The following SLC7A13 variants were observed in gnomAD, a reference collection of about 807,000 sequenced individuals.
SLC7A13 encodes the protein solute carrier family 7 member 13.
A neutral mutation model predicts 32.0 loss-of-function variants in SLC7A13; 31 were observed. The observed-to-expected ratio is 0.97, with a 90% CI of 0.73 to 1.31. SLC7A13 has a LOEUF of 1.31. Among genes scored for constraint, SLC7A13 ranks in the 50% most tolerant of loss-of-function variants. The pLI is 0.00. For synonymous variants in SLC7A13, 232 were observed against 206.9 expected (o/e 1.12, Z -1.04); for missense variants, 633 against 546.9 (o/e 1.16, Z -1.57).
At chr8:86,223,198 TG>T (rs1436641527) in intron 1 of SLC7A13, 95 bp from the exon 2 acceptor site, 5 of 1,245,740 alleles carry the variant, frequency 4.0e-6, no homozygotes, top group Non-Finnish European at 4.3e-6. Flanking sequence ...TATAAATTAA[TG>T]GGGTACAAGC....
In SLC7A13 at chr8:86,217,674, C is replaced by G; in HGVS notation, c.975G>C (p.Leu325Phe). 1 of 1,613,344 alleles carries G rather than the reference C, an allele frequency of 6.2e-7. No individual in the cohort carries two copies. Among genetic ancestry groups the G allele is most frequent in the South Asian group, 1.1e-5 (1 of 91,040 alleles). The change falls in exon 3 of 4, where the codon TTG becomes TTC. Residue 325 changes from leucine (L) to phenylalanine (F), a missense_variant. Transcript: ENST00000297524. ...YLASQEGQLP[L>F]LFNTLNSHSS... Reference sequence around the variant, plus strand: ...AGTGACTATTAAGTGTATTAAATAGCAAAGGCAGCTGGCCCTCTTGGCTTG... The same window carrying G: ...AGTGACTATTAAGTGTATTAAATAGGAAAGGCAGCTGGCCCTCTTGGCTTG...
chr8:86,217,945 T>C (rs1820220876), intron 2 of SLC7A13, 114 bp from the exon 3 acceptor site: 50 of 1,161,728 alleles, frequency 4.3e-5, no homozygotes, highest in Non-Finnish European at 5.5e-5. Context: ...TAATAACATT[T>C]AGTTTGCTTA....
intron 3 of SLC7A13, among the ~76,000 whole-genome samples, chr8:86,217,032 G>A (rs1368337844): frequency 6.6e-6 from 1 of 152,158 alleles, no homozygotes; most frequent in Admixed American, 6.6e-5. Context: ...AATAAGTAAA[G>A]TTGAAAAGAT....
chr8:86,217,362 C>A, intron 3 of SLC7A13, 108 bp downstream of exon 3: 1 of 1,034,740 alleles, frequency 9.7e-7, no homozygotes, highest in Non-Finnish European at 1.3e-6. Flanking sequence ...TTCACAGTAA[C>A]TGAGTATTCA....
At chr8:86,224,206 GCTAT>G (rs574470140) in intron 1 of SLC7A13, among the ~76,000 whole-genome samples, 155 of 152,284 alleles carry the variant, frequency 1.0e-3, no homozygotes, top group Non-Finnish European at 1.6e-3. Flanking sequence ...AGTTTCTCTT[GCTAT>G]CTGTGTTTTA....
intron 1 of SLC7A13, 136 bp from the exon 2 acceptor site, chr8:86,223,239 G>T: frequency 1.2e-6 from 1 of 831,060 alleles, no homozygotes; most frequent in Non-Finnish European, 1.7e-6. Flanking sequence ...AGGTTGTGTG[G>T]TGGTCAAATC....
chr8:86,223,089 G>T lies in SLC7A13; in HGVS notation c.700C>A (p.Pro234Thr). The T allele has an allele frequency of 6.3e-7, 1 of 1,599,814 alleles. No homozygotes were observed. Among genetic ancestry groups the T allele is most frequent in the Non-Finnish European group, 8.5e-7 (1 of 1,173,406 alleles). Reference sequence around the variant, plus strand: ...ATGCATTTGGGAATTGTTGTTCTGGGCTTCTTCAGCTCCCCTATAACACAA... The same window carrying T: ...ATGCATTTGGGAATTGTTGTTCTGGTCTTCTTCAGCTCCCCTATAACACAA... ...FTLIAGELKK[P>T]RTTIPKCIFT... is the part of the protein sequence containing the mutation. The change falls in exon 2 of 4, where the codon CCC (proline) becomes ACC (threonine). Residue 234 changes from proline (P) to threonine (T), a missense_variant. Coordinates refer to ENST00000297524, the MANE Select transcript of SLC7A13 (RefSeq NM_138817.3).
Position 86,230,053 on chromosome 8 carries a change from T to G in SLC7A13, c.225A>C (p.Pro75=), listed in dbSNP as rs1820458064. The change falls in exon 1 of 4, where the codon CCA becomes CCC. Residue 75 remains proline (P), a synonymous_variant. Transcript: ENST00000297524. ...LCSAEISISF[P]CSGAQYYFLK... ...GAAAATAGTATTGAGCTCCACTGCA[T>G]GGGAAGCTTATACTTATCTCTGCAG... 1 of 1,614,030 alleles carries G rather than the reference T, an allele frequency of 6.2e-7. No homozygotes were observed. The highest frequency in any genetic ancestry group is 1.7e-5 in the Admixed American group (1 of 59,986).
At chr8:86,228,303 G>C (rs1210947763) in intron 1 of SLC7A13, among the ~76,000 whole-genome samples, 1 of 152,144 alleles carries the variant, frequency 6.6e-6, no homozygotes, top group Non-Finnish European at 1.5e-5. Flanking sequence ...GGTAGGGAAA[G>C]GAAGTGAGCC....
In SLC7A13 at chr8:86,229,850, C is replaced by T; in HGVS notation, c.428G>A (p.Trp143Ter). The change falls in exon 1 of 4, where the codon TGG becomes TAG. Residue 143 changes from tryptophan (W) to a stop codon, truncating the protein, a stop_gained. Coordinates refer to ENST00000297524, the MANE Select transcript of SLC7A13 (RefSeq NM_138817.3). LOFTEE classifies it high-confidence loss of function. ...ACGAGAAGTCAGAATTCCTACAATC[C>T]ACAACATGGCCAATGCCAGACATTT... ...PKKCLALAML[W>*]IVGILTSRGV... The T allele has an allele frequency of 6.2e-7, 1 of 1,614,126 alleles. No individual in the cohort carries two copies. The highest frequency in any genetic ancestry group is 1.1e-5 in the South Asian group (1 of 91,080).
rs16899714 is a variant in SLC7A13, at chr8:86,215,070, A to G, written c.1180-424T>C. Among the ~76,000 whole-genome samples, 831 of 152,222 alleles carry G rather than the reference A, an allele frequency of 5.5e-3. 11 individuals carry two copies. Among genetic ancestry groups the G allele is most frequent in the African/African-American group, 0.019 (782 of 41,494 alleles). ...TCCTCAGACTGTCTGTTACACAGGT[A>G]AATACTGACAGGTAAATGTTGTAAC... On this transcript the variant is annotated intron_variant, in intron 3 of 3. Transcript: ENST00000297524.
intron 1 of SLC7A13, among the ~76,000 whole-genome samples, 191 bp from the exon 2 acceptor site, chr8:86,223,294 A>G (rs1306366757): frequency 3.3e-5 from 5 of 152,120 alleles, no homozygotes; most frequent in Non-Finnish European, 7.4e-5. Flanking sequence ...CATTGTACCT[A>G]TTAAGTAATT....
rs147696557 is a variant in SLC7A13, at chr8:86,214,833, G to A, written c.1180-187C>T. 5.1e-3 allele frequency among the ~76,000 whole-genome samples: 777 copies of A among 152,276 alleles called. 2 individuals are homozygous for A. The highest frequency in any genetic ancestry group is 0.01 in the Middle Eastern group (3 of 294). ...TGAGTGAAAGGAGATGTTGAAGACT[G>A]TCATTGTCAGGTTGGAGGGAATGGG... On this transcript the variant is annotated intron_variant, in intron 3 of 3. Coordinates refer to ENST00000297524, the MANE Select transcript of SLC7A13 (RefSeq NM_138817.3).
intron 2 of SLC7A13, among the ~76,000 whole-genome samples, chr8:86,222,642 G>A (rs1193936705): frequency 1.3e-5 from 2 of 152,006 alleles, no homozygotes; most frequent in African/African-American, 2.4e-5. Flanking sequence ...CATTTTGAAA[G>A]TTTTAAAATC....
In SLC7A13 at chr8:86,214,363, A is replaced by C; in HGVS notation, c.*50T>G. 9.8e-7 allele frequency: 1 copy of C among 1,015,798 alleles called. No individual in the cohort carries two copies. Among genetic ancestry groups the C allele is most frequent in the East Asian group, 2.5e-5 (1 of 40,802 alleles). 62.9% of individuals were successfully genotyped at this position (1,015,798 alleles called of 1,614,324 possible). The stretch of plus-strand genomic sequence containing the variant: ...ATGTTTAACCTTGATTTGGAATCTG[A>C]TATATGTTTTTTAGAAGGCCAATTT... On this transcript the variant is annotated 3_prime_UTR_variant, in exon 4 of 4. Transcript: ENST00000297524.
rs781045470 is a variant in SLC7A13, at chr8:86,230,137, T to C, written c.141A>G (p.Gly47=). The change falls in exon 1 of 4, where the codon GGA becomes GGG. Residue 47 remains glycine, a synonymous_variant. Transcript: ENST00000297524. ...AGCCAGCCCAAACGCACAGGGAGAC[T>C]CCCACGTTCATGCAAGAGTATGCCA... ...GVLAYSCMNV[G]VSLCVWAGCA... is the part of the protein sequence containing the mutation. 6.2e-7 allele frequency: 1 copy of C among 1,614,100 alleles called. No homozygotes were observed. Among genetic ancestry groups the C allele is most frequent in the South Asian group, 1.1e-5 (1 of 91,078 alleles).
At chr8:86,220,728 G>A (rs1820279551) in intron 2 of SLC7A13, among the ~76,000 whole-genome samples, 1 of 151,920 alleles carries the variant, frequency 6.6e-6, no homozygotes. Context: ...CTATATTTGG[G>A]CCTAGTGGCT....
chr8:86,226,487 T>C (rs1820390451), intron 1 of SLC7A13, among the ~76,000 whole-genome samples: 1 of 152,194 alleles, frequency 6.6e-6, no homozygotes, highest in East Asian at 1.9e-4. Context: ...TTTAACCAGA[T>C]AGATTATTCC....
intron 1 of SLC7A13, among the ~76,000 whole-genome samples, chr8:86,225,265 G>C (rs1820369770): frequency 6.6e-6 from 1 of 152,098 alleles, no homozygotes; most frequent in Non-Finnish European, 1.5e-5. Flanking sequence ...AATCTGAGCT[G>C]ATTAAGAACT....
Sources: gnomAD v4.1 joint callset for allele counts (sites outside exome capture counted in the v4.1 genomes callset) on GRCh38, gnomAD v4.1.1 for gene constraint, MANE v1.5 for transcripts, NCBI Gene and HGNC (gene_info 2026-07-23, HGNC 2026-07-21) for gene names.